The following SLC24A3 variants were observed in gnomAD, a reference collection of about 807,000 sequenced individuals.
SLC24A3 encodes the protein solute carrier family 24 member 3, also known as sodium/potassium/calcium exchanger 3.
In SLC24A3, 28 loss-of-function variants were observed where a neutral mutation model predicts 75.8. The ratio of observed to expected loss-of-function variants is 0.37; its 90% CI spans 0.27 to 0.51. The LOEUF (loss-of-function observed/expected upper bound fraction) is 0.51, where lower values mean the gene tolerates loss of function less well. SLC24A3 is among the 20% of genes least tolerant of loss of function. The pLI, the probability that SLC24A3 is intolerant of heterozygous loss-of-function variation, is 0.94. For synonymous variants in SLC24A3, 372 were observed against 334.1 expected (o/e 1.11, Z -1.24); for missense variants, 663 against 847.8 (o/e 0.78, Z 2.71).
chr20:19,212,943 C>CACT lies in SLC24A3; in HGVS notation c.101_102insACT (p.Leu37dup). ...CAGCTCTGCTTCCTGGCCTCGGTGG[C>CACT]GCTGCTGCTCTGGTCGCTGTCGAGC... On this transcript the variant is annotated inframe_insertion, in exon 1 of 17. Coordinates refer to ENST00000328041, the MANE Select transcript of SLC24A3 (RefSeq NM_020689.4). 7.5e-7 allele frequency: 1 copy of CACT among 1,338,150 alleles called. No homozygotes were observed. 82.9% of individuals were successfully genotyped at this position (1,338,150 alleles called of 1,614,324 possible). A position where few individuals can be genotyped will look rare whatever the true frequency, so the allele number is the denominator to read the frequency against.
At chr20:19,569,000 C>T (rs947989088) in intron 3 of SLC24A3, among the ~76,000 whole-genome samples, 5 of 152,016 alleles carry the variant, frequency 3.3e-5, no homozygotes, top group African/African-American at 4.8e-5. Context: ...CTTAAGAAAA[C>T]GAATACATAA....
chr20:19,255,700 C>G (rs191276077), intron 1 of SLC24A3, among the ~76,000 whole-genome samples: 1 of 152,148 alleles, frequency 6.6e-6, no homozygotes, highest in African/African-American at 2.4e-5. Context: ...ACATGGCAAC[C>G]GAGCACTTGC....
chr20:19,428,219 G>T (rs1343859115), intron 2 of SLC24A3, among the ~76,000 whole-genome samples: 3 of 152,184 alleles, frequency 2.0e-5, no homozygotes, highest in African/African-American at 7.2e-5. Flanking sequence ...ACGGGTGGCC[G>T]TCAGCTTCTA....
chr20:19,591,508 T>C (rs549440500), intron 6 of SLC24A3, among the ~76,000 whole-genome samples: 108 of 151,444 alleles, frequency 7.1e-4, no homozygotes, highest in African/African-American at 2.5e-3. Context: ...TTTTTTTTAA[T>C]GGCAGAAAAT....
intron 3 of SLC24A3, among the ~76,000 whole-genome samples, chr20:19,566,876 CATA>C (rs1338587179): frequency 6.6e-6 from 1 of 152,136 alleles, no homozygotes; most frequent in Non-Finnish European, 1.5e-5. Context: ...TTTTTAAAGA[CATA>C]ATAACACAGC....
intron 3 of SLC24A3, among the ~76,000 whole-genome samples, chr20:19,528,662 A>C (rs569278289): frequency 6.6e-6 from 1 of 152,164 alleles, no homozygotes; most frequent in Non-Finnish European, 1.5e-5. Flanking sequence ...CTACCTTCTC[A>C]GCTGTGTCAT....
chr20:19,341,890 T>C (rs761345200), intron 2 of SLC24A3, among the ~76,000 whole-genome samples: 2 of 152,206 alleles, frequency 1.3e-5, no homozygotes, highest in Non-Finnish European at 2.9e-5. Context: ...TCCTTGTCAT[T>C]GTCTCTGTGT....
At chr20:19,302,608 T>A (rs941552412) in intron 2 of SLC24A3, among the ~76,000 whole-genome samples, 1 of 152,240 alleles carries the variant, frequency 6.6e-6, no homozygotes, top group Non-Finnish European at 1.5e-5. Context: ...CATCTTTATT[T>A]GGGGAGTGTC....
At chr20:19,595,015 C>T (rs913190396) in intron 6 of SLC24A3, among the ~76,000 whole-genome samples, 7 of 152,172 alleles carry the variant, frequency 4.6e-5, no homozygotes, top group African/African-American at 1.7e-4. Context: ...ATGAGTCACT[C>T]TCTGAGCAGA....
intron 15 of SLC24A3, among the ~76,000 whole-genome samples, chr20:19,706,723 C>T (rs1051497539): frequency 8.6e-5 from 13 of 151,980 alleles, no homozygotes; most frequent in African/African-American, 2.9e-4. Flanking sequence ...AGGAGAGGTA[C>T]GGTCATGTGT....
intron 2 of SLC24A3, among the ~76,000 whole-genome samples, chr20:19,293,769 A>G (rs1983997646): frequency 6.6e-6 from 1 of 151,612 alleles, no homozygotes; most frequent in African/African-American, 2.4e-5. Context: ...AGTAATTCCC[A>G]CTATAAATAT....
chr20:19,391,351 T>C (rs1202099019), intron 2 of SLC24A3, among the ~76,000 whole-genome samples: 1 of 152,120 alleles, frequency 6.6e-6, no homozygotes, highest in African/African-American at 2.4e-5. Flanking sequence ...AGTCCCTGAG[T>C]GTGAGTCTAG....
intron 1 of SLC24A3, among the ~76,000 whole-genome samples, chr20:19,255,700 C>T (rs191276077): frequency 4.0e-4 from 61 of 152,264 alleles, no homozygotes; most frequent in African/African-American, 1.4e-3. Context: ...ACATGGCAAC[C>T]GAGCACTTGC....
At chr20:19,448,989 C>A (rs1172591946) in intron 2 of SLC24A3, among the ~76,000 whole-genome samples, 2 of 152,130 alleles carry the variant, frequency 1.3e-5, no homozygotes, top group African/African-American at 4.8e-5. Context: ...GGATGTGCAC[C>A]CTGGGATGGA....
At chr20:19,628,951 G>GT (rs1181836529) in intron 6 of SLC24A3, among the ~76,000 whole-genome samples, 2 of 141,084 alleles carry the variant, frequency 1.4e-5, no homozygotes, top group African/African-American at 4.9e-5. Flanking sequence ...ACAAAATATC[G>GT]TAAGACATAC....
At chr20:19,710,273 G>GT (rs1310296458) in intron 15 of SLC24A3, among the ~76,000 whole-genome samples, 1 of 152,230 alleles carries the variant, frequency 6.6e-6, no homozygotes, top group Admixed American at 6.5e-5. Flanking sequence ...ATCTTTTAGG[G>GT]TGGGGGTGTT....
chr20:19,263,170 C>T (rs1431906176), intron 1 of SLC24A3, among the ~76,000 whole-genome samples: 1 of 152,074 alleles, frequency 6.6e-6, no homozygotes, highest in Non-Finnish European at 1.5e-5. Flanking sequence ...GACTTGCTGA[C>T]CTTGGCTGGT....
chr20:19,340,954 A>G (rs1376715264), intron 2 of SLC24A3, among the ~76,000 whole-genome samples: 1 of 152,234 alleles, frequency 6.6e-6, no homozygotes, highest in African/African-American at 2.4e-5. Context: ...TACAGGAGGC[A>G]GTGACTTGTA....
At chr20:19,689,526 T>G (rs756383431) in intron 12 of SLC24A3, among the ~76,000 whole-genome samples, 4 of 152,228 alleles carry the variant, frequency 2.6e-5, no homozygotes, top group Non-Finnish European at 5.9e-5. Flanking sequence ...AATTCATTGC[T>G]GTACCCCCAG....
Sources: allele counts gnomAD v4.1 joint callset (sites outside exome capture counted in the v4.1 genomes callset), GRCh38; gene constraint gnomAD v4.1.1; transcripts MANE v1.5; gene names NCBI Gene and HGNC (gene_info 2026-07-23, HGNC 2026-07-21).